Variants in IBTK observed in about 807,000 individuals in gnomAD.
The protein encoded by IBTK is inhibitor of Bruton tyrosine kinase.
A neutral mutation model predicts 154.9 loss-of-function variants in IBTK; 83 were observed. The observed-to-expected ratio is 0.54, with a 90% confidence interval of 0.45 to 0.64. The LOEUF (loss-of-function observed/expected upper bound fraction) is 0.64, where lower values mean the gene tolerates loss of function less well. Ranked by LOEUF, IBTK falls within the 30% of genes least tolerant of loss-of-function variation. IBTK has a pLI of 0.00. For synonymous variants in IBTK, 515 were observed against 536.1 expected, an observed-to-expected ratio of 0.96 and a Z score of 0.54; for missense variants, 1,332 against 1,584.6, an observed-to-expected ratio of 0.84 and a Z score of 2.71.
chr6:82,190,435 T>C (rs989491225), intron 25 of IBTK, among the ~76,000 whole-genome samples: 1 of 152,146 alleles, frequency 6.6e-6, no homozygotes, highest in African/African-American at 2.4e-5. Flanking sequence ...ATATTTTAAG[T>C]TACAAGAAAA....
chr6:82,200,078 T>C (rs1769144778), intron 21 of IBTK, 63 bp downstream of exon 21: 1 of 995,236 alleles, frequency 1.0e-6, no homozygotes, highest in South Asian at 1.4e-5. Context: ...CCCCAGCAGA[T>C]GACATATGTG....
chr6:82,183,328 T>C (rs1180903489), intron 25 of IBTK, among the ~76,000 whole-genome samples: 4 of 152,024 alleles, frequency 2.6e-5, no homozygotes, highest in Non-Finnish European at 5.9e-5. Flanking sequence ...GAGAATTGCT[T>C]GAACCTGTGA....
chr6:82,186,534 G>A (rs1217846227), intron 25 of IBTK, among the ~76,000 whole-genome samples: 1 of 152,040 alleles, frequency 6.6e-6, no homozygotes, highest in Non-Finnish European at 1.5e-5. Context: ...ACTTTTACAG[G>A]CACCAGGAAA....
intron 23 of IBTK, among the ~76,000 whole-genome samples, 182 bp downstream of exon 23, chr6:82,194,297 G>T (rs976762207): frequency 1.3e-5 from 2 of 152,074 alleles, no homozygotes; most frequent in Non-Finnish European, 2.9e-5. Context: ...ATTTTGCCTG[G>T]GGTTGGTTGG....
At chr6:82,179,659 T>C (rs1156343172) in intron 26 of IBTK, among the ~76,000 whole-genome samples, 1 of 152,206 alleles carries the variant, frequency 6.6e-6, no homozygotes, top group African/African-American at 2.4e-5. Flanking sequence ...TGGTACTGTT[T>C]CAGTTTAGTA....
chr6:82,174,042 A>T (rs1200067775), intron 26 of IBTK, among the ~76,000 whole-genome samples: 1 of 152,190 alleles, frequency 6.6e-6, no homozygotes, highest in Non-Finnish European at 1.5e-5. Context: ...AGAAAAACTT[A>T]AAAAGGTACA....
intron 1 of IBTK, among the ~76,000 whole-genome samples, chr6:82,246,706 C>A (rs1440595795): frequency 6.6e-6 from 1 of 152,102 alleles, no homozygotes; most frequent in African/African-American, 2.4e-5. Flanking sequence ...TACCTTGCCT[C>A]AATTTCTAAA....
At chr6:82,235,092 C>T (rs1770666625) in intron 2 of IBTK, among the ~76,000 whole-genome samples, 1 of 151,994 alleles carries the variant, frequency 6.6e-6, no homozygotes, top group Admixed American at 6.6e-5. Context: ...GACTCCTGAC[C>T]TCGTGATCAG....
At chr6:82,197,405 C>G (rs1769037791) in intron 21 of IBTK, among the ~76,000 whole-genome samples, 1 of 130,070 alleles carries the variant, frequency 7.7e-6, no homozygotes, top group Non-Finnish European at 1.6e-5. Context: ...GAGTCTTACT[C>G]TATTGCCCAG....
chr6:82,172,118 T>TA lies in IBTK; in HGVS notation c.3930+261dup, dbSNP rs199914060. Among the ~76,000 whole-genome samples the TA allele has an allele frequency of 5.7e-3, 867 of 152,280 alleles. 6 individuals carry two copies. The highest frequency in any genetic ancestry group is 0.02 in the African/African-American group (825 of 41,546). On this transcript the variant is annotated intron_variant, in intron 28 of 28. Transcript: ENST00000306270. The stretch of plus-strand genomic sequence containing the variant: ...CTGCCAAATTCTCTACTGGTCATTT[T>TA]AAAAAAACTAAAATAATCCAAAGTA...
At chr6:82,172,552 A>T in intron 27 of IBTK, 40 bp from the exon 28 acceptor site, 1 of 1,572,274 alleles carries the variant, frequency 6.4e-7, no homozygotes, top group Non-Finnish European at 8.6e-7. Context: ...CATCTTCCTA[A>T]ATTTTTGCAT....
At chr6:82,194,383 A>G (rs1768901350) in intron 23 of IBTK, 96 bp downstream of exon 23, 1 of 875,464 alleles carries the variant, frequency 1.1e-6, no homozygotes, top group African/African-American at 1.7e-5. Context: ...ATTTATATTA[A>G]TATTTCTTAA....
rs1262774456 is a variant in IBTK at position 82,234,177 on chromosome 6, CAT to C, written c.398_399del (p.His133ArgfsTer7). The part of the protein sequence containing the change: ...LDLVMKDRPT[H>X]VVFKNTDPTD... ...TTCTTACCAGTATTCTTGAATACTA[CAT>C]GAGTTGGTCTATCCTTCATTACAAG... On this transcript the variant is annotated frameshift_variant, in exon 3 of 29. Transcript: ENST00000306270. LOFTEE classifies it high-confidence loss of function. 1 of 1,593,688 alleles carries C rather than the reference CAT, an allele frequency of 6.3e-7. No individual in the cohort carries two copies. Among genetic ancestry groups the C allele is most frequent in the Non-Finnish European group, 8.6e-7 (1 of 1,163,464 alleles).
intron 15 of IBTK, 142 bp from the exon 16 acceptor site, chr6:82,211,052 C>A (rs1043043197): frequency 4.9e-5 from 23 of 470,544 alleles, no homozygotes; most frequent in Non-Finnish European, 8.1e-5. Context: ...AAACACATGG[C>A]TAAAATAATA....
In IBTK at chr6:82,247,635, G is replaced by A. The variant is rs1771207260; in HGVS notation, c.-431C>T. 1 of 398,814 alleles carries A rather than the reference G, an allele frequency of 2.5e-6. No individual in the cohort carries two copies. The highest frequency in any genetic ancestry group is 3.6e-5 in the East Asian group (1 of 28,064). 24.7% of individuals were successfully genotyped at this position (398,814 alleles called of 1,614,324 possible). On this transcript the variant is annotated 5_prime_UTR_variant, in exon 1 of 29. Coordinates refer to ENST00000306270, the MANE Select transcript of IBTK (RefSeq NM_015525.4). ...AGCCACAAAGGGACTCATCCTCAGTGAAGGCAATAAGAGAAACCGAACGGC... is the reference window on the plus strand; with the variant it reads ...AGCCACAAAGGGACTCATCCTCAGTAAAGGCAATAAGAGAAACCGAACGGC...
rs1161657189 is a variant in IBTK at position 82,241,040 on chromosome 6, C to CA, written c.-357-198dup. Among the ~76,000 whole-genome samples, 4 of 152,028 alleles carry CA rather than the reference C, an allele frequency of 2.6e-5. No individual in the cohort carries two copies. The East Asian group carries it at 7.7e-4, about 29-fold the overall frequency. ...GTCATCGCCAAGATCTGATTTTTCA[C>CA]AAAAAACATTTGCAACCTCTGGCAT... On this transcript the variant is annotated intron_variant, in intron 1 of 28. Transcript: ENST00000306270.
At chr6:82,214,877 A>C in intron 11 of IBTK, 48 bp from the exon 12 acceptor site, 1 of 1,498,744 alleles carries the variant, frequency 6.7e-7, no homozygotes, top group Non-Finnish European at 8.9e-7. Context: ...TATGAAGGAA[A>C]TCCTTTTTCA....
chr6:82,201,567 T>G (rs925893964), intron 18 of IBTK, 85 bp from the exon 19 acceptor site: 67 of 859,182 alleles, frequency 7.8e-5, no homozygotes, highest in African/African-American at 1.7e-5. Context: ...ATATTTCATA[T>G]TGCTAGATAA....
chr6:82,244,419 G>A (rs1771067219), intron 1 of IBTK, among the ~76,000 whole-genome samples: 1 of 152,044 alleles, frequency 6.6e-6, no homozygotes, highest in Admixed American at 6.6e-5. Context: ...TTCCCTTAAG[G>A]AGTCTAAAAG....
Sources: allele counts gnomAD v4.1 joint callset (sites outside exome capture counted in the v4.1 genomes callset), GRCh38; gene constraint gnomAD v4.1.1; transcripts MANE v1.5; gene names NCBI Gene and HGNC (gene_info 2026-07-23, HGNC 2026-07-21).